CLSTN2: variants seen among roughly 807,000 people sequenced by gnomAD.
CLSTN2 encodes calsyntenin-2.
A neutral mutation model predicts 101.2 loss-of-function variants in CLSTN2; 48 were observed. The ratio of observed to expected loss-of-function variants is 0.47; its 90% CI spans 0.38 to 0.60. CLSTN2 has a LOEUF of 0.60. Ranked by LOEUF, CLSTN2 falls within the 20% of genes least tolerant of loss-of-function variation. The probability of loss-of-function intolerance (pLI) is 0.00; values close to 1 mark genes in which losing one functional copy is unlikely to be tolerated. For synonymous variants in CLSTN2, 481 were observed against 463.6 expected (o/e 1.04, Z -0.48); for missense variants, 1,160 against 1,238.2 (o/e 0.94, Z 0.95).
intron 1 of CLSTN2, among the ~76,000 whole-genome samples, chr3:140,009,776 A>T (rs978542345): frequency 2.6e-5 from 4 of 152,232 alleles, no homozygotes; most frequent in African/African-American, 9.6e-5. Context: ...AAAGATTTTC[A>T]TATGTATTTA....
At chr3:140,368,845 T>C (rs1271246730) in intron 2 of CLSTN2, among the ~76,000 whole-genome samples, 1 of 152,242 alleles carries the variant, frequency 6.6e-6, no homozygotes, top group Non-Finnish European at 1.5e-5. Context: ...CAGCATACTA[T>C]TCATTTTATG....
intron 8 of CLSTN2, among the ~76,000 whole-genome samples, chr3:140,524,469 A>T (rs1935097389): frequency 6.6e-6 from 1 of 152,242 alleles, no homozygotes; most frequent in Non-Finnish European, 1.5e-5. Flanking sequence ...TTAAGATATC[A>T]CGTCATTTCA....
At chr3:140,342,802 C>T (rs946033051) in intron 2 of CLSTN2, among the ~76,000 whole-genome samples, 1 of 152,170 alleles carries the variant, frequency 6.6e-6, no homozygotes, top group Non-Finnish European at 1.5e-5. Flanking sequence ...TGGAACAAAG[C>T]TGGGACTGTG....
At chr3:140,191,329 AT>A (rs967497449) in intron 2 of CLSTN2, among the ~76,000 whole-genome samples, 29 of 151,984 alleles carry the variant, frequency 1.9e-4, no homozygotes, top group African/African-American at 7.0e-4. Flanking sequence ...TTTAGTGAGA[AT>A]TTTTTAATCC....
chr3:140,444,698 C>T (rs1425624701), intron 5 of CLSTN2, among the ~76,000 whole-genome samples: 1 of 152,212 alleles, frequency 6.6e-6, no homozygotes, highest in Non-Finnish European at 1.5e-5. Flanking sequence ...AATGACTCTG[C>T]ATGTAATCCC....
At chr3:140,384,068 CA>C (rs1217245116) in intron 2 of CLSTN2, among the ~76,000 whole-genome samples, 8 of 152,126 alleles carry the variant, frequency 5.3e-5, no homozygotes, top group African/African-American at 1.7e-4. Flanking sequence ...AACTTGGAAG[CA>C]GCCAACCTTT....
At chr3:140,284,974 G>C (rs976496670) in intron 2 of CLSTN2, among the ~76,000 whole-genome samples, 15 of 152,022 alleles carry the variant, frequency 9.9e-5, no homozygotes, top group Non-Finnish European at 1.8e-4. Flanking sequence ...CTTGCATGCA[G>C]GTTTATTGCA....
At chr3:140,123,693 G>T (rs1009937320) in intron 1 of CLSTN2, among the ~76,000 whole-genome samples, 1 of 152,076 alleles carries the variant, frequency 6.6e-6, no homozygotes, top group African/African-American at 2.4e-5. Flanking sequence ...GGGCCAGCAT[G>T]GTTGGCTTCT....
At chr3:140,002,126 T>A (rs1201187332) in intron 1 of CLSTN2, among the ~76,000 whole-genome samples, 1 of 152,190 alleles carries the variant, frequency 6.6e-6, no homozygotes, top group Non-Finnish European at 1.5e-5. Context: ...AGCTTTTAGT[T>A]TTCTGAGGAA....
intron 2 of CLSTN2, among the ~76,000 whole-genome samples, chr3:140,259,329 C>T (rs559047337): frequency 6.6e-6 from 1 of 151,950 alleles, no homozygotes; most frequent in East Asian, 1.9e-4. Flanking sequence ...CAAAAATTAG[C>T]CAGGTGTGGT....
intron 2 of CLSTN2, among the ~76,000 whole-genome samples, chr3:140,194,450 G>A (rs2010615353): frequency 6.6e-6 from 1 of 152,046 alleles, no homozygotes; most frequent in Admixed American, 6.6e-5. Context: ...GAAATGGGGG[G>A]ACATAAACAT....
Position 140,076,625 on chromosome 3 carries a change from GTTTTTTTTTTTT to G in CLSTN2, c.110-99309_110-99298del, listed in dbSNP as rs35645750. ...CAATGACTCCCCTCTCACCAGCAGTGTTTTTTTTTTTTTTTTTTTTTTTTTTTTCCTAGCCTT... is the reference window on the plus strand; with the variant it reads ...CAATGACTCCCCTCTCACCAGCAGTGTTTTTTTTTTTTTTTTCCTAGCCTT... On this transcript the variant is annotated intron_variant, in intron 1 of 16. Coordinates refer to ENST00000458420, the MANE Select transcript of CLSTN2 (RefSeq NM_022131.3). 1.4e-3 allele frequency among the ~76,000 whole-genome samples: 52 copies of G among 38,072 alleles called. 1 individual carries two copies. The highest frequency in any genetic ancestry group is 5.6e-3 in the Admixed American group (13 of 2,330). The allele number at this position is 38,072 out of a possible 152,430, so 25.0% of individuals were successfully genotyped here.
At chr3:140,418,606 C>T (rs561005375) in intron 4 of CLSTN2, among the ~76,000 whole-genome samples, 1 of 150,898 alleles carries the variant, frequency 6.6e-6, no homozygotes, top group Non-Finnish European at 1.5e-5. Flanking sequence ...CAACCTCTGC[C>T]TCCCGGGTTC....
At chr3:140,314,562 A>C (rs1413460787) in intron 2 of CLSTN2, among the ~76,000 whole-genome samples, 1 of 152,064 alleles carries the variant, frequency 6.6e-6, no homozygotes, top group African/African-American at 2.4e-5. Context: ...GATACCCTGA[A>C]GTATCAGCCA....
At chr3:139,948,768 T>C (rs921594384) in intron 1 of CLSTN2, among the ~76,000 whole-genome samples, 1 of 152,182 alleles carries the variant, frequency 6.6e-6, no homozygotes, top group Non-Finnish European at 1.5e-5. Context: ...ACACAGTCAC[T>C]CCTGCTCAAA....
chr3:140,337,578 G>A (rs1311957395), intron 2 of CLSTN2, among the ~76,000 whole-genome samples: 1 of 152,188 alleles, frequency 6.6e-6, no homozygotes, highest in Non-Finnish European at 1.5e-5. Context: ...AGGGGACACA[G>A]TGCAACACAT....
At chr3:139,983,521 G>A (rs531234847) in intron 1 of CLSTN2, among the ~76,000 whole-genome samples, 1 of 152,206 alleles carries the variant, frequency 6.6e-6, no homozygotes, top group Non-Finnish European at 1.5e-5. Context: ...TCCAAATGCT[G>A]TTATGTTATG....
chr3:140,399,946 A>C (rs1288140823), intron 2 of CLSTN2, among the ~76,000 whole-genome samples: 1 of 151,552 alleles, frequency 6.6e-6, no homozygotes, highest in Admixed American at 6.6e-5. Flanking sequence ...CCTTTGGGTT[A>C]CTGATAGCAA....
intron 4 of CLSTN2, among the ~76,000 whole-genome samples, chr3:140,408,481 G>A (rs1054191454): frequency 6.6e-6 from 1 of 152,256 alleles, no homozygotes. Context: ...CAGCCTCACA[G>A]CAACCACAAA....
Sources: allele counts gnomAD v4.1 joint callset (sites outside exome capture counted in the v4.1 genomes callset), GRCh38; gene constraint gnomAD v4.1.1; transcripts MANE v1.5; gene names NCBI Gene and HGNC (gene_info 2026-07-23, HGNC 2026-07-21).